Variants in DNAAF8 observed in about 807,000 individuals in gnomAD.
DNAAF8 encodes dynein axonemal assembly factor 8, also known as dynein axonemal-associated protein 1.
In DNAAF8, 61 loss-of-function variants were observed where a neutral mutation model predicts 54.6. That is an observed-to-expected ratio of 1.12 (90% CI 0.91 to 1.38). The LOEUF is 1.38. DNAAF8 is among the 40% of genes most tolerant of loss of function. The probability of loss-of-function intolerance (pLI) is 0.00; values close to 1 mark genes in which losing one functional copy is unlikely to be tolerated. For synonymous variants in DNAAF8, 320 were observed against 270.1 expected (o/e 1.18, Z -1.81); for missense variants, 837 against 665.0 (o/e 1.26, Z -2.85).
chr16:4,737,987 A>G (rs2081917338), intron 3 of DNAAF8, 41 bp downstream of exon 3: 4 of 1,592,970 alleles, frequency 2.5e-6, no homozygotes, highest in Non-Finnish European at 3.4e-6. Flanking sequence ...TGTGTGTGCG[A>G]TGTTAGTCTA....
chr16:4,738,843 C>G (rs537586827), intron 3 of DNAAF8, among the ~76,000 whole-genome samples: 1 of 151,948 alleles, frequency 6.6e-6, no homozygotes, highest in Non-Finnish European at 1.5e-5. Context: ...AAGATCACAC[C>G]ACTGCACACT....
chr16:4,741,772 G>A (rs2081963658), intron 4 of DNAAF8, among the ~76,000 whole-genome samples: 1 of 152,032 alleles, frequency 6.6e-6, no homozygotes, highest in Non-Finnish European at 1.5e-5. Context: ...GACAGAGCGA[G>A]ACTCCATCTC....
At chr16:4,741,564 C>T (rs1048693592) in intron 4 of DNAAF8, among the ~76,000 whole-genome samples, 2 of 152,142 alleles carry the variant, frequency 1.3e-5, no homozygotes, top group African/African-American at 4.8e-5. Flanking sequence ...CTTTGGGAAG[C>T]CAAGGCAGGA....
At position 4,747,017 on chromosome 16, in the gene DNAAF8, G is replaced by T; in HGVS notation, c.1272G>T (p.Leu424=). ...GDAEGASPSS[L]GLRTCTGKSQ... Reference sequence around the variant, plus strand: ...CAGAGGGGGCATCTCCTTCCTCCCTGGGGCTACGGTAACCACCCAGGGGCC... The same window carrying T: ...CAGAGGGGGCATCTCCTTCCTCCCTTGGGCTACGGTAACCACCCAGGGGCC... Residue 424 remains leucine, a synonymous_variant, in exon 8 of 10, where the codon CTG becomes CTT. Transcript: ENST00000299320. 1 of 1,529,900 alleles carries T rather than the reference G, an allele frequency of 6.5e-7. No individual in the cohort carries two copies. The highest frequency in any genetic ancestry group is 2.5e-5 in the East Asian group (1 of 40,802). The allele number at this position is 1,529,900 out of a possible 1,614,324, so 94.8% of individuals were successfully genotyped here.
rs2082034054 is a variant in DNAAF8 at position 4,747,536 on chromosome 16, C to T, written c.1474C>T (p.Leu492Phe). The T allele has an allele frequency of 6.2e-7, 1 of 1,613,032 alleles. No homozygotes were observed. Among genetic ancestry groups the T allele is most frequent in the South Asian group, 1.1e-5 (1 of 91,066 alleles). Reference sequence around the variant, plus strand: ...CAAGGGGCAGAGCGCCCAGGCTCGACTCCCAAGAGGCAGGCCCAGAGCCCT... The same window carrying T: ...CAAGGGGCAGAGCGCCCAGGCTCGATTCCCAAGAGGCAGGCCCAGAGCCCT... ...CAKGQSAQAR[L>F]PRGRPRALGD... Residue 492 changes from leucine (L) to phenylalanine (F), a missense_variant, in exon 9 of 10, where the codon CTC becomes TTC. By Grantham distance (22) the Leu-to-Phe change is conservative. Coordinates refer to ENST00000299320, the MANE Select transcript of DNAAF8 (RefSeq NM_139170.3).
In DNAAF8 at chr16:4,738,051, G is replaced by A. The variant is rs982566326; in HGVS notation, c.276+105G>A. On this transcript the variant is annotated intron_variant, in intron 3 of 9. Coordinates refer to ENST00000299320, the MANE Select transcript of DNAAF8 (RefSeq NM_139170.3). ...CATTTCCACGATATGCTAGAACATG[G>A]TCCTTTTTTTTTTCCCCCATGTACA... is the stretch of plus-strand genomic sequence containing the variant. 6.6e-6 allele frequency: 9 copies of A among 1,360,924 alleles called. No individual in the cohort carries two copies. The Admixed American group carries it at 7.7e-5, about 12-fold the overall frequency. 84.3% of individuals were successfully genotyped at this position (1,360,924 alleles called of 1,614,324 possible).
At chr16:4,736,355 G>A in intron 1 of DNAAF8, 109 bp from the exon 2 acceptor site, 1 of 733,350 alleles carries the variant, frequency 1.4e-6, no homozygotes, top group Admixed American at 4.1e-5. Flanking sequence ...ACTGAGGCAG[G>A]TGGTGAGGCC....
At chr16:4,744,753 G>C in intron 5 of DNAAF8, 117 bp from the exon 6 acceptor site, 1 of 1,305,960 alleles carries the variant, frequency 7.7e-7, no homozygotes, top group African/African-American at 1.5e-5. Context: ...CGGGGGCAGT[G>C]GAGGAGCCTG....
chr16:4,747,417 C>G lies in DNAAF8; in HGVS notation c.1355C>G (p.Pro452Arg), dbSNP rs1447279971. ...FQKGTAQPEL[P>R]ASKGPAGGRA... ...AAGGGGACAGCCCAGCCCGAGCTGC[C>G]TGCCAGCAAGGGGCCCGCGGGTGGG... Residue 452 changes from proline (P) to arginine (R), a missense_variant, in exon 9 of 10, where the codon CCT becomes CGT. Transcript: ENST00000299320. The G allele has an allele frequency of 1.2e-6, 2 of 1,613,026 alleles. No homozygotes were observed. The highest frequency in any genetic ancestry group is 3.3e-5 in the Admixed American group (2 of 60,028).
At chr16:4,746,253 G>A (rs1422482407) in intron 6 of DNAAF8, 122 bp from the exon 7 acceptor site, 14 of 1,065,406 alleles carry the variant, frequency 1.3e-5, no homozygotes, top group East Asian at 2.4e-5. Context: ...TAATGTGCCC[G>A]TCTGTAGAGA....
intron 1 of DNAAF8, among the ~76,000 whole-genome samples, chr16:4,735,681 G>A (rs1057258774): frequency 6.6e-6 from 1 of 152,002 alleles, no homozygotes; most frequent in African/African-American, 2.4e-5. Flanking sequence ...CTGTCAGCCA[G>A]GCGCGATGGC....
chr16:4,738,065 C>A (rs959395405), intron 3 of DNAAF8, 119 bp downstream of exon 3: 13 of 1,202,618 alleles, frequency 1.1e-5, no homozygotes, highest in Non-Finnish European at 1.4e-5. Flanking sequence ...TTTTTTTTTT[C>A]CCCCATGTAC....
At chr16:4,743,382 C>G (rs546969264) in intron 5 of DNAAF8, 4 of 449,906 alleles carry the variant, frequency 8.9e-6, no homozygotes, top group Non-Finnish European at 1.2e-5. Context: ...GGGCCAGGTC[C>G]TAGGGACAAA....
rs2081991697 is a variant in DNAAF8 at position 4,744,748 on chromosome 16, G to A, written c.902-122G>A. The A allele has an allele frequency of 5.6e-6, 7 of 1,243,978 alleles. No individual in the cohort carries two copies. In the East Asian group the frequency reaches 1.7e-4, roughly 31 times the overall value. The allele number at this position is 1,243,978 out of a possible 1,614,324, so 77.1% of individuals were successfully genotyped here. A position where few individuals can be genotyped will look rare whatever the true frequency, so the allele number is the denominator to read the frequency against. Reference sequence around the variant, plus strand: ...TGAGTAGGGAGAGGGCTGGGCGGGGGCAGTGGAGGAGCCTGAGGTCCATTC... The same window carrying A: ...TGAGTAGGGAGAGGGCTGGGCGGGGACAGTGGAGGAGCCTGAGGTCCATTC... On this transcript the variant is annotated intron_variant, in intron 5 of 9. Transcript: ENST00000299320.
chr16:4,741,188 C>T (rs1286660243), intron 4 of DNAAF8, among the ~76,000 whole-genome samples: 10 of 146,050 alleles, frequency 6.8e-5, no homozygotes, highest in South Asian at 2.1e-4. Context: ...GAGCCGATAT[C>T]GCACCACTAC....
rs541647329 is a variant in DNAAF8, at chr16:4,747,115, G to A, written c.1280+90G>A. 188 of 1,333,782 alleles carry A rather than the reference G, an allele frequency of 1.4e-4. 3 individuals are homozygous for A. The South Asian group carries it at 2.5e-3, about 18-fold the overall frequency. 82.6% of individuals were successfully genotyped at this position (1,333,782 alleles called of 1,614,324 possible). On this transcript the variant is annotated intron_variant, in intron 8 of 9. Transcript: ENST00000299320. ...CCACCTGGCACATTTACCGCCTGTG[G>A]TGAGGTCTTGCTGCACCCACCGCAC...
intron 4 of DNAAF8, among the ~76,000 whole-genome samples, chr16:4,741,627 G>A (rs549324745): frequency 1.6e-4 from 25 of 152,036 alleles, no homozygotes; most frequent in South Asian, 4.2e-4. Context: ...TGGTGAAACC[G>A]TGACTCTATT....
intron 6 of DNAAF8, among the ~76,000 whole-genome samples, chr16:4,745,543 G>C (rs979337757): frequency 1.3e-5 from 2 of 152,204 alleles, no homozygotes; most frequent in Non-Finnish European, 2.9e-5. Context: ...CTATATGCCT[G>C]CCCTCCCCAC....
In DNAAF8 at chr16:4,748,772, C is replaced by T. The variant is rs1396457298; in HGVS notation, c.*57C>T. The T allele has an allele frequency of 6.6e-6, 1 of 152,334 alleles. No homozygotes were observed. Among genetic ancestry groups the T allele is most frequent in the Admixed American group, 6.5e-5 (1 of 15,284 alleles). 9.4% of individuals were successfully genotyped at this position (152,334 alleles called of 1,614,324 possible). A position where few individuals can be genotyped will look rare whatever the true frequency, so the allele number is the denominator to read the frequency against. On this transcript the variant is annotated 3_prime_UTR_variant, in exon 10 of 10. Transcript: ENST00000299320. ...GTGGGAAGAGCAGAGAAATCATCAC[C>T]ACCTTGGGCCCCACGGTGCCACGGG...
Sources: gnomAD v4.1 joint callset for allele counts (sites outside exome capture counted in the v4.1 genomes callset) on GRCh38, gnomAD v4.1.1 for gene constraint, MANE v1.5 for transcripts, NCBI Gene and HGNC (gene_info 2026-07-23, HGNC 2026-07-21) for gene names.